Variants in ARHGAP20 observed in about 807,000 individuals in gnomAD.
ARHGAP20 encodes rho GTPase-activating protein 20.
ARHGAP20 carries 34 observed loss-of-function variants against 73.7 expected under a neutral mutation model. That is an observed-to-expected ratio of 0.46 (90% CI 0.35 to 0.61). ARHGAP20 has a LOEUF of 0.61. ARHGAP20 is among the 20% of genes least tolerant of loss of function. The pLI, the probability that ARHGAP20 is intolerant of heterozygous loss-of-function variation, is 0.00. For missense variants in ARHGAP20, 1,314 were observed against 1,420.9 expected (o/e 0.92, Z 1.21); for synonymous variants, 523 against 518.2 (o/e 1.01, Z -0.13).
chr11:110,698,859 T>A (rs1365941930), intron 1 of ARHGAP20, among the ~76,000 whole-genome samples: 6 of 151,862 alleles, frequency 4.0e-5, no homozygotes, highest in Admixed American at 3.9e-4. Context: ...ACCTTTCAAA[T>A]AACCAACTTT....
chr11:110,693,475 AT>A (rs1244169075), intron 1 of ARHGAP20, among the ~76,000 whole-genome samples: 3 of 151,996 alleles, frequency 2.0e-5, no homozygotes, highest in African/African-American at 7.2e-5. Flanking sequence ...ATGCAAGAAA[AT>A]AAACATTACA....
At chr11:110,678,782 T>C (rs1303871799) in intron 2 of ARHGAP20, among the ~76,000 whole-genome samples, 1 of 152,106 alleles carries the variant, frequency 6.6e-6, no homozygotes, top group African/African-American at 2.4e-5. Flanking sequence ...CACCTCAGCC[T>C]CCTGAGTAGC....
chr11:110,645,386 T>C (rs984224598), intron 2 of ARHGAP20, among the ~76,000 whole-genome samples: 3 of 152,082 alleles, frequency 2.0e-5, no homozygotes, highest in Non-Finnish European at 4.4e-5. Flanking sequence ...TCACTACTTG[T>C]CAGAGACATG....
chr11:110,670,597 C>G (rs1039755893), intron 2 of ARHGAP20, among the ~76,000 whole-genome samples: 3 of 151,934 alleles, frequency 2.0e-5, no homozygotes, highest in Non-Finnish European at 4.4e-5. Flanking sequence ...CAAAACTCAA[C>G]CCTAGATAAC....
intron 2 of ARHGAP20, among the ~76,000 whole-genome samples, chr11:110,665,006 ACAGAGTATG>A (rs771373983): frequency 5.3e-5 from 8 of 152,162 alleles, no homozygotes; most frequent in Non-Finnish European, 1.0e-4. Context: ...CAGAAATCAA[ACAGAGTATG>A]TTTTCCAATT....
chr11:110,588,831 G>C (rs962427583), intron 11 of ARHGAP20, among the ~76,000 whole-genome samples: 1 of 152,058 alleles, frequency 6.6e-6, no homozygotes, highest in Non-Finnish European at 1.5e-5. Context: ...CACAAGCTTG[G>C]GAGGCCGAGG....
intron 3 of ARHGAP20, among the ~76,000 whole-genome samples, chr11:110,628,428 T>C (rs1948791045): frequency 6.6e-6 from 1 of 152,188 alleles, no homozygotes; most frequent in South Asian, 2.1e-4. Flanking sequence ...GAAGGATCTG[T>C]GAATATAACT....
chr11:110,593,538 C>G (rs1258343966), intron 9 of ARHGAP20, among the ~76,000 whole-genome samples: 1 of 152,188 alleles, frequency 6.6e-6, no homozygotes, highest in Non-Finnish European at 1.5e-5. Flanking sequence ...AATGGCATAG[C>G]ACTGGGTGAG....
chr11:110,712,320 G>C lies in ARHGAP20; in HGVS notation c.-89C>G. On this transcript the variant is annotated 5_prime_UTR_variant, in exon 1 of 15. Transcript: ENST00000683387. The stretch of plus-strand genomic sequence containing the variant: ...CGGCCGGAGGGGCGAGGACGCGCGG[G>C]CGGAGGCGCGGCTGCCGTGCTCAGG... 3.6e-6 allele frequency: 4 copies of C among 1,109,550 alleles called. No homozygotes were observed. Among genetic ancestry groups the C allele is most frequent in the Non-Finnish European group, 4.6e-6 (4 of 862,856 alleles). 68.7% of individuals were successfully genotyped at this position (1,109,550 alleles called of 1,614,324 possible).
intron 2 of ARHGAP20, among the ~76,000 whole-genome samples, chr11:110,681,915 G>C (rs536442972): frequency 6.6e-6 from 1 of 152,150 alleles, no homozygotes; most frequent in Non-Finnish European, 1.5e-5. Context: ...AAAACTCCTA[G>C]AGCCTCTTCA....
At chr11:110,666,978 A>AT (rs1949736841) in intron 2 of ARHGAP20, among the ~76,000 whole-genome samples, 1 of 152,234 alleles carries the variant, frequency 6.6e-6, no homozygotes, top group Admixed American at 6.5e-5. Context: ...ATCAGTGAGT[A>AT]ACCTGCAGAA....
intron 2 of ARHGAP20, among the ~76,000 whole-genome samples, chr11:110,677,548 G>A (rs535137389): frequency 6.6e-6 from 1 of 152,210 alleles, no homozygotes. Flanking sequence ...AGGAGGGTGA[G>A]GTGGGAAGAT....
At chr11:110,606,905 A>C (rs1185372156) in intron 8 of ARHGAP20, among the ~76,000 whole-genome samples, 156 bp from the exon 9 acceptor site, 2 of 152,156 alleles carry the variant, frequency 1.3e-5, no homozygotes, top group East Asian at 3.9e-4. Flanking sequence ...TTACAGTTGG[A>C]GACCAGTATG....
chr11:110,691,011 T>C (rs2135118291), intron 1 of ARHGAP20: 6 of 1,521,576 alleles, frequency 3.9e-6, no homozygotes, highest in East Asian at 2.5e-5. Flanking sequence ...GGGTAGATAC[T>C]ACTATCTTTA....
chr11:110,705,039 T>C (rs559247164), intron 1 of ARHGAP20, among the ~76,000 whole-genome samples: 1 of 152,196 alleles, frequency 6.6e-6, no homozygotes, highest in African/African-American at 2.4e-5. Context: ...TAATGTATTT[T>C]AGTGGCAATT....
chr11:110,641,382 C>T (rs1439162839), intron 2 of ARHGAP20, among the ~76,000 whole-genome samples: 1 of 151,844 alleles, frequency 6.6e-6, no homozygotes. Context: ...AGTTGTTTAA[C>T]AACATCTATT....
chr11:110,587,054 G>A (rs1177512677), intron 11 of ARHGAP20, among the ~76,000 whole-genome samples: 1 of 152,212 alleles, frequency 6.6e-6, no homozygotes, highest in Non-Finnish European at 1.5e-5. Flanking sequence ...GAGACCACTG[G>A]CAGGGCTGAG....
chr11:110,599,652 C>T (rs1023615465), intron 9 of ARHGAP20, among the ~76,000 whole-genome samples: 1 of 152,162 alleles, frequency 6.6e-6, no homozygotes, highest in Non-Finnish European at 1.5e-5. Flanking sequence ...TTTTCTGGGT[C>T]TGCCCATGGC....
intron 3 of ARHGAP20, among the ~76,000 whole-genome samples, chr11:110,627,357 TG>T (rs1486147136): frequency 6.6e-6 from 1 of 152,162 alleles, no homozygotes; most frequent in African/African-American, 2.4e-5. Context: ...CCTCCCAAAG[TG>T]CTGGGATTAC....
Sources: allele counts gnomAD v4.1 joint callset (sites outside exome capture counted in the v4.1 genomes callset), GRCh38; gene constraint gnomAD v4.1.1; transcripts MANE v1.5; gene names NCBI Gene and HGNC (gene_info 2026-07-23, HGNC 2026-07-21).